ABTB3: variants seen among roughly 807,000 people sequenced by gnomAD.
The protein encoded by ABTB3 is ankyrin repeat- and BTB/POZ domain-containing protein 3.
At chr12:107,442,915 A>C in the ABTB3 span, among the ~76,000 whole-genome samples, 5 of 152,308 alleles carry the variant, frequency 3.3e-5, no homozygotes, top group East Asian at 9.7e-4. Flanking sequence ...GTCCAGGATC[A>C]AGGCACCAGC....
At chr12:107,601,031 CAT>C in the ABTB3 span, among the ~76,000 whole-genome samples, 1 of 152,214 alleles carries the variant, frequency 6.6e-6, no homozygotes, top group Non-Finnish European at 1.5e-5. Context: ...ATTATAAAAT[CAT>C]AGCAATGAAT....
the ABTB3 span, among the ~76,000 whole-genome samples, chr12:107,589,015 T>G: frequency 1.3e-5 from 2 of 152,184 alleles, no homozygotes; most frequent in African/African-American, 2.4e-5. Context: ...CACCGCTTAC[T>G]CTCTGTGTGA....
the ABTB3 span, among the ~76,000 whole-genome samples, chr12:107,453,643 A>G: frequency 6.6e-6 from 1 of 152,228 alleles, no homozygotes; most frequent in Non-Finnish European, 1.5e-5. Context: ...CGAATGGACT[A>G]AGAGGGCTTT....
the ABTB3 span, among the ~76,000 whole-genome samples, chr12:107,475,164 T>C: frequency 2.0e-5 from 3 of 152,106 alleles, no homozygotes; most frequent in Non-Finnish European, 4.4e-5. Flanking sequence ...CCCACTTCAC[T>C]TTGACCTCCC....
At chr12:107,648,953 C>A in the ABTB3 span, among the ~76,000 whole-genome samples, 1 of 135,224 alleles carries the variant, frequency 7.4e-6, no homozygotes, top group Non-Finnish European at 1.6e-5. Flanking sequence ...GGGCATGGAA[C>A]TGGGGGTGGG....
chr12:107,570,512 A>G, the ABTB3 span, among the ~76,000 whole-genome samples: 1 of 151,524 alleles, frequency 6.6e-6, no homozygotes, highest in Non-Finnish European at 1.5e-5. Context: ...ACCATGCCCA[A>G]CCCTTCTTTT....
chr12:107,363,659 C>T, the ABTB3 span, among the ~76,000 whole-genome samples: 1 of 152,114 alleles, frequency 6.6e-6, no homozygotes, highest in African/African-American at 2.4e-5. Flanking sequence ...TTGTAATTGC[C>T]ATATAAGCTG....
chr12:107,354,556 C>A, the ABTB3 span, among the ~76,000 whole-genome samples: 10 of 152,194 alleles, frequency 6.6e-5, no homozygotes. Flanking sequence ...AAGATTCATC[C>A]ATTTCTAGCA....
At chr12:107,621,312 G>A in the ABTB3 span, among the ~76,000 whole-genome samples, 8 of 152,146 alleles carry the variant, frequency 5.3e-5, no homozygotes, top group Non-Finnish European at 7.4e-5. Flanking sequence ...CGGTGAGTCC[G>A]TGAGGAGTAA....
At chr12:107,593,938 C>T in the ABTB3 span, among the ~76,000 whole-genome samples, 13 of 152,216 alleles carry the variant, frequency 8.5e-5, no homozygotes, top group African/African-American at 2.7e-4. Flanking sequence ...TGGTCATATG[C>T]CCATACATAG....
the ABTB3 span, among the ~76,000 whole-genome samples, chr12:107,425,648 C>T: frequency 5.3e-5 from 8 of 152,148 alleles, no homozygotes; most frequent in Admixed American, 2.6e-4. Flanking sequence ...AAAACCAGAC[C>T]GCTTTTTTAA....
the ABTB3 span, among the ~76,000 whole-genome samples, chr12:107,322,397 T>G: frequency 1.3e-5 from 2 of 152,224 alleles, no homozygotes; most frequent in Non-Finnish European, 2.9e-5. Flanking sequence ...AGGTTGAATA[T>G]GCAGAAGAGT....
the ABTB3 span, among the ~76,000 whole-genome samples, chr12:107,500,916 C>T: frequency 6.6e-6 from 1 of 152,128 alleles, no homozygotes; most frequent in Admixed American, 6.5e-5. Context: ...TTTAACATGC[C>T]TTATGAGACC....
At chr12:107,446,894 G>C in the ABTB3 span, among the ~76,000 whole-genome samples, 1 of 152,284 alleles carries the variant, frequency 6.6e-6, no homozygotes. Flanking sequence ...CTGCTCTAGA[G>C]GGCTAGTAGA....
At chr12:107,439,569 C>T in the ABTB3 span, among the ~76,000 whole-genome samples, 1 of 152,172 alleles carries the variant, frequency 6.6e-6, no homozygotes, top group Admixed American at 6.5e-5. Flanking sequence ...TTCCCCCTGC[C>T]CTTCTCAGCT....
At chr12:107,577,916 C>G in the ABTB3 span, among the ~76,000 whole-genome samples, 1 of 152,138 alleles carries the variant, frequency 6.6e-6, no homozygotes, top group African/African-American at 2.4e-5. Flanking sequence ...AACCACTTCA[C>G]TAAACCATGA....
At chr12:107,492,116 G>A in the ABTB3 span, among the ~76,000 whole-genome samples, 1 of 152,118 alleles carries the variant, frequency 6.6e-6, no homozygotes, top group Non-Finnish European at 1.5e-5. Context: ...AGAAACTGCA[G>A]CCTCACGCTG....
the ABTB3 span, among the ~76,000 whole-genome samples, chr12:107,481,427 CT>C: frequency 8.5e-5 from 13 of 152,300 alleles, no homozygotes; most frequent in African/African-American, 3.1e-4. Flanking sequence ...CAGGTTGCAT[CT>C]CCCCCTGCTT....
the ABTB3 span, among the ~76,000 whole-genome samples, chr12:107,458,835 AG>A: frequency 2.6e-5 from 4 of 152,132 alleles, no homozygotes; most frequent in Non-Finnish European, 5.9e-5. Context: ...TTCCTGTGTC[AG>A]GGACTCTGGG....
Sources: gnomAD v4.1 joint callset for allele counts (sites outside exome capture counted in the v4.1 genomes callset) on GRCh38, gnomAD v4.1.1 for gene constraint, MANE v1.5 for transcripts, NCBI Gene and HGNC (gene_info 2026-07-23, HGNC 2026-07-21) for gene names.